The following KIF26A variants were observed in gnomAD, a reference collection of about 807,000 sequenced individuals.
KIF26A encodes kinesin family member 26A, also known as kinesin-like protein KIF26A.
Under a neutral mutation model 126.0 loss-of-function variants are expected in KIF26A, and 74 were observed. That is an observed-to-expected ratio of 0.59 (90% confidence interval 0.49 to 0.71). The LOEUF (loss-of-function observed/expected upper bound fraction) is 0.71, where lower values mean the gene tolerates loss of function less well. Ranked by LOEUF, KIF26A falls within the 30% of genes least tolerant of loss-of-function variation. The pLI is 0.00. For missense variants in KIF26A, 2,984 were observed against 2,763.3 expected (o/e 1.08, Z -1.79); for synonymous variants, 1,445 against 1,232.7 (o/e 1.17, Z -3.61).
Position 104,172,933 on chromosome 14 carries a change from C to T in KIF26A, c.1421-44C>T, listed in dbSNP as rs575533890. ...GGGACGCCAGTAGCCATAAAGGCTC[C>T]TTGCGTGGTGTGTGGTGGGGCCTGA... On this transcript the variant is annotated intron_variant, in intron 7 of 14. Coordinates refer to ENST00000423312, the MANE Select transcript of KIF26A (RefSeq NM_015656.2). 2.4e-4 allele frequency: 363 copies of T among 1,528,284 alleles called. 8 individuals are homozygous for T. The South Asian group carries it at 4.6e-3, about 19-fold the overall frequency. 94.7% of individuals were successfully genotyped at this position (1,528,284 alleles called of 1,614,324 possible).
chr14:104,139,037 C>G lies in KIF26A; in HGVS notation c.43-6C>G. 7.3e-7 allele frequency: 1 copy of G among 1,361,624 alleles called. No individual in the cohort carries two copies. The highest frequency in any genetic ancestry group is 1.9e-5 in the South Asian group (1 of 53,060). 84.3% of individuals were successfully genotyped at this position (1,361,624 alleles called of 1,614,324 possible). A position where few individuals can be genotyped will look rare whatever the true frequency, so the allele number is the denominator to read the frequency against. Reference sequence around the variant, plus strand: ...CACTGTCCGCTTCCGCCCCCACACCCTGCAGGTGGCCGAGGGCGGCCCGGC... The same window carrying G: ...CACTGTCCGCTTCCGCCCCCACACCGTGCAGGTGGCCGAGGGCGGCCCGGC... On this transcript the variant is annotated splice_region_variant and splice_polypyrimidine_tract_variant and intron_variant, in intron 1 of 14. Coordinates refer to ENST00000423312, the MANE Select transcript of KIF26A (RefSeq NM_015656.2).
In KIF26A at chr14:104,172,570, C is replaced by A. The variant is rs763095010; in HGVS notation, c.1327-5C>A. The A allele has an allele frequency of 3.7e-6, 6 of 1,610,830 alleles. No homozygotes were observed. Among genetic ancestry groups the A allele is most frequent in the East Asian group, 2.2e-5 (1 of 44,874 alleles). On this transcript the variant is annotated splice_polypyrimidine_tract_variant and splice_region_variant and intron_variant, in intron 6 of 14. Transcript: ENST00000423312. ...CAGCCCTGCCTGATTCTCTTGCCCC[C>A]CTAGGCCGAAGTCTGCTCGGGGACC...
At chr14:104,144,923 G>A (rs72714966) in intron 2 of KIF26A, among the ~76,000 whole-genome samples, 4 of 152,214 alleles carry the variant, frequency 2.6e-5, no homozygotes, top group African/African-American at 7.2e-5. Context: ...TGTGCTGTTG[G>A]GGGGAGTGGC....
At chr14:104,157,263 C>T (rs1462391610) in intron 3 of KIF26A, among the ~76,000 whole-genome samples, 1 of 152,156 alleles carries the variant, frequency 6.6e-6, no homozygotes. Context: ...GATGAGGGAG[C>T]GCCACACATC....
Position 104,176,454 on chromosome 14 carries a change from T to C in KIF26A, c.3666T>C (p.Arg1222=), listed in dbSNP as rs112809961. The C allele has an allele frequency of 2.2e-3, 3,608 of 1,606,616 alleles. 78 individuals are homozygous for C. The African/African-American group carries it at 0.04, about 18-fold the overall frequency. Residue 1222 remains arginine, a synonymous_variant, in exon 12 of 15, where the codon CGT becomes CGC. Transcript: ENST00000423312. ...RKPRTASATT[R]VGCARLGQSP... The stretch of plus-strand genomic sequence containing the variant: ...CGAGGACTGCCTCTGCCACCACCCG[T>C]GTGGGCTGTGCTCGCCTGGGCCAGA...
At chr14:104,154,543 G>A (rs2037759471) in intron 3 of KIF26A, among the ~76,000 whole-genome samples, 1 of 152,210 alleles carries the variant, frequency 6.6e-6, no homozygotes, top group Admixed American at 6.5e-5. Context: ...CCGGGGCAGC[G>A]CTGCCGTTGC....
chr14:104,152,212 A>G lies in KIF26A; in HGVS notation c.486A>G (p.Ala162=). The change falls in exon 3 of 15, where the codon GCA becomes GCG. Residue 162 remains alanine (A), a synonymous_variant. Transcript: ENST00000423312. The surrounding 1 kb of genome is among the most constrained non-coding windows in gnomAD (Gnocchi z 5.9). ...CCCCCCATGGAGGCCCCAGCCTCGC[A>G]CCCCCCAGCACCACGACCAGCTCGA... is the stretch of plus-strand genomic sequence containing the variant. ...LDAPHGGPSL[A]PPSTTTSSRD... is the part of the protein sequence containing the mutation. 1.3e-6 allele frequency: 2 copies of G among 1,599,096 alleles called. No homozygotes were observed. Among genetic ancestry groups the G allele is most frequent in the Non-Finnish European group, 1.7e-6 (2 of 1,175,030 alleles).
chr14:104,142,359 C>T (rs1278955764), intron 2 of KIF26A, among the ~76,000 whole-genome samples: 1 of 151,642 alleles, frequency 6.6e-6, no homozygotes, highest in Non-Finnish European at 1.5e-5. Context: ...GTGCCCTCTG[C>T]TCTCACCAGG....
intron 3 of KIF26A, among the ~76,000 whole-genome samples, chr14:104,155,345 G>A (rs1045287412): frequency 6.6e-6 from 1 of 152,200 alleles, no homozygotes; most frequent in African/African-American, 2.4e-5. Context: ...GGTGTTCCCC[G>A]AGGTTGCAGG....
At chr14:104,177,943 G>C (rs529612473) in intron 12 of KIF26A, 45 bp downstream of exon 12, 2 of 1,444,086 alleles carry the variant, frequency 1.4e-6, no homozygotes, top group African/African-American at 2.9e-5. Context: ...CGGGCTTTCT[G>C]TGTGTAGATG....
At chr14:104,161,155 T>G (rs2037829277) in intron 4 of KIF26A, among the ~76,000 whole-genome samples, 1 of 152,202 alleles carries the variant, frequency 6.6e-6, no homozygotes, top group Non-Finnish European at 1.5e-5. Context: ...GGCTGGGAGT[T>G]GGAGGGGCTG....
chr14:104,174,336 A>T (rs1186064160), intron 11 of KIF26A, 26 bp downstream of exon 11: 3 of 1,474,262 alleles, frequency 2.0e-6, no homozygotes, highest in Admixed American at 4.4e-5. Context: ...TGCCCGCCCC[A>T]TCTCGGGGCC....
At position 104,177,042 on chromosome 14, in the gene KIF26A, C is replaced by T. The variant is rs547879840; in HGVS notation, c.4254C>T (p.Ser1418=). The T allele has an allele frequency of 1.9e-6, 3 of 1,581,374 alleles. No homozygotes were observed. Among genetic ancestry groups the T allele is most frequent in the Non-Finnish European group, 2.6e-6 (3 of 1,172,198 alleles). ...ADHSVPRATS[S]LKARASKVEA... is the part of the protein sequence containing the mutation. ...ACTCTGTCCCCAGGGCCACGTCCAGCCTGAAGGCCCGGGCCAGCAAGGTAG... is the reference window on the plus strand; with the variant it reads ...ACTCTGTCCCCAGGGCCACGTCCAGTCTGAAGGCCCGGGCCAGCAAGGTAG... The change falls in exon 12 of 15, where the codon AGC becomes AGT. Residue 1418 remains serine (S), a synonymous_variant. Transcript: ENST00000423312.
rs1308539724 is a variant in KIF26A, at chr14:104,171,905, C to T, written c.1296C>T (p.Phe432=). 6.4e-7 allele frequency: 1 copy of T among 1,557,098 alleles called. No homozygotes were observed. The highest frequency in any genetic ancestry group is 8.7e-7 in the Non-Finnish European group (1 of 1,151,372). Residue 432 remains phenylalanine (F), a synonymous_variant, in exon 6 of 15, where the codon TTC becomes TTT. Transcript: ENST00000423312. ...CTGCAGTTCCCAAGATGTTTGCCTT[C>T]GATGCCGTCTTCCCCCAGGACTCCG... ...ATAAVPKMFA[F]DAVFPQDSEQ...
Position 104,151,970 on chromosome 14 carries a change from C to A in KIF26A, c.289-45C>A, listed in dbSNP as rs2141094941. The A allele has an allele frequency of 2.5e-6, 4 of 1,583,604 alleles. 1 individual carries two copies. The East Asian group carries it at 8.9e-5, about 35-fold the overall frequency. ...CTGGTGGGCTCTGGGTGCCGGCCCT[C>A]CCTCCCCAGGCACTGACCCTGCCTT... On this transcript the variant is annotated intron_variant, in intron 2 of 14. Coordinates refer to ENST00000423312, the MANE Select transcript of KIF26A (RefSeq NM_015656.2). The surrounding 1 kb of genome is among the most constrained non-coding windows in gnomAD (Gnocchi z 4.9).
At chr14:104,161,880 C>T (rs1191763723) in intron 4 of KIF26A, among the ~76,000 whole-genome samples, 2 of 152,178 alleles carry the variant, frequency 1.3e-5, no homozygotes, top group Admixed American at 6.5e-5. Context: ...CCTTCAGAGT[C>T]AAACCCCTCA....
At chr14:104,161,366 T>A (rs1177142768) in intron 4 of KIF26A, among the ~76,000 whole-genome samples, 1 of 152,162 alleles carries the variant, frequency 6.6e-6, no homozygotes, top group Non-Finnish European at 1.5e-5. Context: ...GTGGAAGCTC[T>A]GGGTTGGCCA....
chr14:104,155,252 A>T (rs765181448), intron 3 of KIF26A, among the ~76,000 whole-genome samples: 36 of 152,260 alleles, frequency 2.4e-4, no homozygotes, highest in Non-Finnish European at 3.1e-4. Flanking sequence ...ACGGGCCAGA[A>T]CCTTACAGAT....
In KIF26A at chr14:104,177,316, G is replaced by T; in HGVS notation, c.4528G>T (p.Ala1510Ser). The change falls in exon 12 of 15, where the codon GCT (alanine) becomes TCT (serine). Residue 1510 changes from alanine (A) to serine (S), a missense_variant. By Grantham distance (99) the Ala-to-Ser change is moderately conservative. Coordinates refer to ENST00000423312, the MANE Select transcript of KIF26A (RefSeq NM_015656.2). ...GRGLVAGGSR[A>S]LGPSVKLSTA... ...TGGCCTAGTGGCTGGTGGGTCGCGG[G>T]CTCTGGGGCCTTCGGTGAAGCTGTC... is the stretch of plus-strand genomic sequence containing the variant. 1 of 1,537,760 alleles carries T rather than the reference G, an allele frequency of 6.5e-7. No homozygotes were observed.
Sources: allele counts gnomAD v4.1 joint callset (sites outside exome capture counted in the v4.1 genomes callset), GRCh38; gene constraint gnomAD v4.1.1; non-coding constraint Gnocchi (gnomAD v3.1); transcripts MANE v1.5; gene names NCBI Gene and HGNC (gene_info 2026-07-23, HGNC 2026-07-21).